PDE8A: variants seen among roughly 807,000 people sequenced by gnomAD.
The protein encoded by PDE8A is phosphodiesterase 8A.
A neutral mutation model predicts 105.0 loss-of-function variants in PDE8A; 59 were observed. The observed-to-expected ratio is 0.56, with a 90% CI of 0.46 to 0.70. The LOEUF (loss-of-function observed/expected upper bound fraction) is 0.70, where lower values mean the gene tolerates loss of function less well. PDE8A is among the 30% of genes least tolerant of loss of function. The probability of loss-of-function intolerance (pLI) is 0.00; values close to 1 mark genes in which losing one functional copy is unlikely to be tolerated. For missense variants in PDE8A, 1,014 were observed against 1,045.9 expected (o/e 0.97, Z 0.42); for synonymous variants, 355 against 371.9 (o/e 0.95, Z 0.52).
chr15:85,036,534 C>A (rs289385), intron 1 of PDE8A, among the ~76,000 whole-genome samples: 117,241 of 151,666 alleles, frequency 0.77, 45,539 homozygotes, highest in African/African-American at 0.84. Context: ...AGCTATGAGC[C>A]CACATACACT....
rs764286569 is a variant in PDE8A, at chr15:85,072,693, G to GC, written c.435-3169_435-3168insC. Among the ~76,000 whole-genome samples the GC allele has an allele frequency of 6.6e-3, 1,003 of 152,294 alleles. 8 individuals carry two copies. The highest frequency in any genetic ancestry group is 0.031 in the Middle Eastern group (9 of 294). ...TCCTGCAGAGTCCATGGCAGCCCTG[G>GC]ACTGTCTCCTCTGCACATTTTTGAT... On this transcript the variant is annotated intron_variant, in intron 3 of 21. Transcript: ENST00000394553.
intron 3 of PDE8A, among the ~76,000 whole-genome samples, chr15:85,072,443 G>A (rs1389111798): frequency 6.6e-6 from 1 of 152,090 alleles, no homozygotes; most frequent in East Asian, 1.9e-4. Context: ...TGGGCATATG[G>A]CTACCTAGAA....
intron 11 of PDE8A, among the ~76,000 whole-genome samples, chr15:85,108,519 T>A (rs1033929270): frequency 6.6e-6 from 1 of 152,082 alleles, no homozygotes; most frequent in Non-Finnish European, 1.5e-5. Context: ...GTTTGAAGCC[T>A]AGGAGAGTAG....
chr15:85,118,775 G>T (rs762736494), intron 17 of PDE8A, among the ~76,000 whole-genome samples: 1 of 152,216 alleles, frequency 6.6e-6, no homozygotes, highest in Non-Finnish European at 1.5e-5. Context: ...CAGTCATGCA[G>T]GGCCAGGGCA....
chr15:85,025,885 C>T (rs1430684050), intron 1 of PDE8A, among the ~76,000 whole-genome samples: 2 of 152,172 alleles, frequency 1.3e-5, no homozygotes, highest in African/African-American at 4.8e-5. Flanking sequence ...AGTCTCACGC[C>T]TTTTTGATGC....
chr15:85,061,964 ATC>A (rs1316280192), intron 1 of PDE8A, among the ~76,000 whole-genome samples: 2 of 151,634 alleles, frequency 1.3e-5, no homozygotes. Context: ...AGTTTTTTTC[ATC>A]TCTTTACTTA....
At chr15:84,990,340 T>G (rs192410594) in intron 1 of PDE8A, among the ~76,000 whole-genome samples, 60 of 152,330 alleles carry the variant, frequency 3.9e-4, no homozygotes, top group Non-Finnish European at 6.0e-4. Context: ...GATACAGAAT[T>G]ACACAATATT....
intron 1 of PDE8A, among the ~76,000 whole-genome samples, chr15:85,031,345 T>C (rs1182764280): frequency 6.6e-6 from 1 of 152,184 alleles, no homozygotes; most frequent in Non-Finnish European, 1.5e-5. Flanking sequence ...TCTTACCAGA[T>C]AGGTGAGGGA....
chr15:84,993,590 T>C (rs1292697919), intron 1 of PDE8A, among the ~76,000 whole-genome samples: 1 of 150,166 alleles, frequency 6.7e-6, no homozygotes, highest in Non-Finnish European at 1.5e-5. Context: ...ATTAAAAACT[T>C]TTTTGGGCTG....
chr15:85,097,925 C>T (rs368426985), intron 8 of PDE8A, 23 bp from the exon 9 acceptor site: 75 of 1,275,446 alleles, frequency 5.9e-5, no homozygotes, highest in Non-Finnish European at 7.6e-5. Flanking sequence ...CAAAGTATGA[C>T]GATGCTTACA....
intron 16 of PDE8A, among the ~76,000 whole-genome samples, chr15:85,117,117 C>T (rs987552287): frequency 1.3e-5 from 2 of 152,190 alleles, no homozygotes. Flanking sequence ...GGGAAATCCC[C>T]TCATACTTTT....
chr15:85,123,388 AG>A (rs2082213604), intron 19 of PDE8A, among the ~76,000 whole-genome samples, 195 bp downstream of exon 19: 1 of 147,322 alleles, frequency 6.8e-6, no homozygotes, highest in African/African-American at 2.5e-5. Flanking sequence ...ACACACACAA[AG>A]GGGAGTTTAT....
intron 1 of PDE8A, among the ~76,000 whole-genome samples, chr15:85,044,164 G>C (rs985022544): frequency 1.3e-5 from 2 of 152,150 alleles, no homozygotes; most frequent in Non-Finnish European, 2.9e-5. Flanking sequence ...AGGCATTGTG[G>C]TAACTACTTG....
chr15:84,996,817 C>A lies in PDE8A; in HGVS notation c.186+14469C>A, dbSNP rs887168962. 3.7e-3 allele frequency among the ~76,000 whole-genome samples: 315 copies of A among 85,446 alleles called. 2 individuals are homozygous for A. The highest frequency in any genetic ancestry group is 0.015 in the African/African-American group (301 of 20,566). 56.1% of individuals were successfully genotyped at this position (85,446 alleles called of 152,430 possible). On this transcript the variant is annotated intron_variant, in intron 1 of 21. Transcript: ENST00000394553. ...CTCCATCCTGGACAACAGAGCAAGA[C>A]TCTCTCAAAAAAAAAAAAAAAAAAA...
Position 85,091,058 on chromosome 15 carries a change from A to G in PDE8A, c.729A>G (p.Ala243=), listed in dbSNP as rs1044259258. The change falls in exon 8 of 22, where the codon GCA becomes GCG. Residue 243 remains alanine, a synonymous_variant. Coordinates refer to ENST00000394553, the MANE Select transcript of PDE8A (RefSeq NM_002605.3). The part of the protein sequence containing the change: ...EDRFIQYANP[A]FETTMGYQSG... The stretch of plus-strand genomic sequence containing the variant: ...TCTCCCTTCAGTATGCAAATCCTGC[A>G]TTTGAAACAACAATGGGCTATCAGT... 4.4e-6 allele frequency: 7 copies of G among 1,608,858 alleles called. No individual in the cohort carries two copies. The highest frequency in any genetic ancestry group is 1.7e-5 in the Admixed American group (1 of 58,268).
chr15:85,136,481 G>A (rs542879330), intron 20 of PDE8A, 53 bp from the exon 21 acceptor site: 2 of 1,577,940 alleles, frequency 1.3e-6, no homozygotes, highest in South Asian at 2.3e-5. Context: ...GCTGCCCCTA[G>A]GTGGAGTGGA....
intron 1 of PDE8A, among the ~76,000 whole-genome samples, chr15:85,039,196 C>T (rs181095783): frequency 3.1e-4 from 47 of 151,364 alleles, no homozygotes; most frequent in Non-Finnish European, 4.1e-4. Context: ...GAGGCTGAGA[C>T]GGGAGGATCG....
intron 1 of PDE8A, among the ~76,000 whole-genome samples, chr15:84,995,972 C>G (rs1567219754): frequency 6.6e-6 from 1 of 152,074 alleles, no homozygotes. Flanking sequence ...CTCTTTATTT[C>G]TCCCTAGTAT....
intron 8 of PDE8A, among the ~76,000 whole-genome samples, chr15:85,097,211 A>G (rs1320443423): frequency 6.6e-6 from 1 of 152,080 alleles, no homozygotes; most frequent in Non-Finnish European, 1.5e-5. Context: ...TAGGACGGTG[A>G]CAAAACCCAG....
Sources: allele counts gnomAD v4.1 joint callset (sites outside exome capture counted in the v4.1 genomes callset), GRCh38; gene constraint gnomAD v4.1.1; transcripts MANE v1.5; gene names NCBI Gene and HGNC (gene_info 2026-07-23, HGNC 2026-07-21).